The following MFSD11 variants were observed in gnomAD, a reference collection of about 807,000 sequenced individuals.
MFSD11 encodes the protein UNC93-like protein MFSD11.
MFSD11 carries 36 observed loss-of-function variants against 53.5 expected under a neutral mutation model. The observed-to-expected ratio is 0.67, with a 90% CI of 0.52 to 0.89. MFSD11 has a LOEUF of 0.89. MFSD11 is among the 40% of genes least tolerant of loss of function. The pLI is 0.00. For synonymous variants in MFSD11, 186 were observed against 184.9 expected (o/e 1.01, Z -0.05); for missense variants, 530 against 543.9 (o/e 0.97, Z 0.25).
Position 76,778,226 on chromosome 17 carries a change from C to CGG in MFSD11, c.1224_1225insGG (p.Leu409GlyfsTer12), listed in dbSNP as rs1488556644. The stretch of plus-strand genomic sequence containing the variant: ...CCGTGGCATTTTTCTACAGCAACTA[C>CGG]CTTCTCCTTCACTGGCAACTCCTGG... On this transcript the variant is annotated frameshift_variant, in exon 13 of 13. Coordinates refer to ENST00000685175, the MANE Select transcript of MFSD11 (RefSeq NM_001242532.5). LOFTEE classifies it high-confidence loss of function. 1 of 1,614,160 alleles carries CGG rather than the reference C, an allele frequency of 6.2e-7. No homozygotes were observed. The highest frequency in any genetic ancestry group is 1.7e-5 in the Admixed American group (1 of 59,992).
At chr17:76,763,805 A>C (rs1390717021) in intron 8 of MFSD11, among the ~76,000 whole-genome samples, 2 of 151,750 alleles carry the variant, frequency 1.3e-5, no homozygotes, top group African/African-American at 4.8e-5. Flanking sequence ...AATTCCCCCA[A>C]CTTTATCGAG....
intron 7 of MFSD11, 98 bp downstream of exon 7, chr17:76,744,564 ACT>A (rs1036385388): frequency 2.8e-6 from 3 of 1,067,490 alleles, no homozygotes; most frequent in African/African-American, 1.6e-5. Context: ...GATGTCCAGT[ACT>A]CTCTGTAGGT....
chr17:76,747,733 G>T (rs2078681005), intron 7 of MFSD11, among the ~76,000 whole-genome samples: 1 of 152,176 alleles, frequency 6.6e-6, no homozygotes, highest in South Asian at 2.1e-4. Flanking sequence ...CATTCAGCCA[G>T]CACATGTTTG....
rs373123509 is a variant in MFSD11, at chr17:76,742,188, G to A, written c.352G>A (p.Ala118Thr). Residue 118 changes from alanine to threonine, a missense_variant, in exon 5 of 13, where the codon GCA (alanine) becomes ACA (threonine). Transcript: ENST00000685175. ...GGGTTGAATTTTAGTGCTTTGGACA[G>A]CACAAGGAAACTGCCTGACAATCAA... ...IGIAAAVLWT[A>T]QGNCLTINSD... 2.2e-5 allele frequency: 36 copies of A among 1,614,044 alleles called. No individual in the cohort carries two copies. The highest frequency in any genetic ancestry group is 3.1e-5 in the Non-Finnish European group (36 of 1,180,026).
chr17:76,769,109 A>G (rs544511836), intron 9 of MFSD11: 2 of 152,326 alleles, frequency 1.3e-5, no homozygotes, highest in African/African-American at 4.8e-5. Context: ...CTCCGCCTGC[A>G]TGGAGAGTGA....
chr17:76,779,268 A>C lies in MFSD11; in HGVS notation c.*916A>C, dbSNP rs2082085798. The C allele has an allele frequency of 6.7e-6, 1 of 150,364 alleles. No homozygotes were observed. Among genetic ancestry groups the C allele is most frequent in the Non-Finnish European group, 1.5e-5 (1 of 67,644 alleles). The allele number at this position is 150,364 out of a possible 1,614,324, so 9.3% of individuals were successfully genotyped here. A position where few individuals can be genotyped will look rare whatever the true frequency, so the allele number is the denominator to read the frequency against. On this transcript the variant is annotated 3_prime_UTR_variant, in exon 13 of 13. Transcript: ENST00000685175. The stretch of plus-strand genomic sequence containing the variant: ...AAACTCCATCTCAAAAAAAAAAAAA[A>C]AAAAAAGAAAAGAAAATAATAATGA...
chr17:76,782,577 C>T (rs2082194916), downstream of MFSD11, among the ~76,000 whole-genome samples: 1 of 140,082 alleles, frequency 7.1e-6, no homozygotes, highest in Admixed American at 7.9e-5. Flanking sequence ...ATCCCGGGTT[C>T]AAGCAGTTCT....
At chr17:76,756,811 G>C (rs1169189332) in intron 8 of MFSD11, among the ~76,000 whole-genome samples, 6 of 150,342 alleles carry the variant, frequency 4.0e-5, no homozygotes, top group Non-Finnish European at 8.8e-5. Flanking sequence ...AGTGAGCCGA[G>C]ATTGCGCCAC....
intron 11 of MFSD11, among the ~76,000 whole-genome samples, chr17:76,775,771 A>G (rs997179305): frequency 1.3e-5 from 2 of 152,228 alleles, no homozygotes; most frequent in African/African-American, 4.8e-5. Context: ...AGATTTTCAG[A>G]TTAAAAATAC....
downstream of MFSD11, among the ~76,000 whole-genome samples, chr17:76,785,099 G>A (rs1206625221): frequency 6.6e-6 from 1 of 152,204 alleles, no homozygotes; most frequent in African/African-American, 2.4e-5. Flanking sequence ...GGAACAAAAT[G>A]TACGTCTATA....
At chr17:76,751,367 G>A (rs1598567895) in intron 7 of MFSD11, among the ~76,000 whole-genome samples, 1 of 150,994 alleles carries the variant, frequency 6.6e-6, no homozygotes, top group Non-Finnish European at 1.5e-5. Context: ...TCCAGTCTGG[G>A]TGACAGAGCG....
chr17:76,747,395 C>T (rs964668445), intron 7 of MFSD11, among the ~76,000 whole-genome samples: 5 of 151,678 alleles, frequency 3.3e-5, no homozygotes, highest in Middle Eastern at 3.4e-3. Flanking sequence ...AGTGCAATGG[C>T]GTAGTCTTGG....
intron 7 of MFSD11, chr17:76,747,934 A>T (rs928184388): frequency 2.6e-5 from 4 of 152,186 alleles, no homozygotes; most frequent in Non-Finnish European, 4.4e-5. Context: ...TACAAATAGC[A>T]CAGACTTGTG....
chr17:76,777,129 G>C (rs544499367), intron 12 of MFSD11, among the ~76,000 whole-genome samples: 167 of 152,224 alleles, frequency 1.1e-3, no homozygotes, highest in Non-Finnish European at 2.1e-3. Flanking sequence ...TTAGCCGGGC[G>C]TGGTGGCACG....
chr17:76,742,155 A>G, intron 4 of MFSD11, 22 bp from the exon 5 acceptor site: 1 of 1,613,866 alleles, frequency 6.2e-7, no homozygotes, highest in Non-Finnish European at 8.5e-7. Context: ...TTCCCTTGAT[A>G]AACTTTTGGG....
intron 8 of MFSD11, chr17:76,767,154 A>C (rs959714437): frequency 9.5e-5 from 38 of 399,058 alleles, no homozygotes; most frequent in African/African-American, 7.1e-4. Context: ...TAAGAGCTGG[A>C]AAATGTGCTG....
chr17:76,776,314 C>G lies in MFSD11; in HGVS notation c.1050-92C>G. On this transcript the variant is annotated intron_variant, in intron 11 of 12. Coordinates refer to ENST00000685175, the MANE Select transcript of MFSD11 (RefSeq NM_001242532.5). The surrounding 1 kb of genome is among the most constrained non-coding windows in gnomAD (Gnocchi z 4.2). ...TTTGTTTCATAGTGTTTACAACTTG[C>G]AGGTAGAATTCTTTTGTGGGTGGGT... The G allele has an allele frequency of 1.5e-6, 2 of 1,348,978 alleles. No homozygotes were observed. The highest frequency in any genetic ancestry group is 2.0e-6 in the Non-Finnish European group (2 of 980,300). The allele number at this position is 1,348,978 out of a possible 1,614,324, so 83.6% of individuals were successfully genotyped here.
At chr17:76,741,514 C>T (rs2078079582) in intron 3 of MFSD11, among the ~76,000 whole-genome samples, 1 of 152,164 alleles carries the variant, frequency 6.6e-6, no homozygotes, top group Non-Finnish European at 1.5e-5. Flanking sequence ...TGGCTCACAC[C>T]TGTAAATCCC....
At chr17:76,754,699 AG>A (rs1279490071) in intron 8 of MFSD11, among the ~76,000 whole-genome samples, 1 of 150,424 alleles carries the variant, frequency 6.6e-6, no homozygotes, top group Non-Finnish European at 1.5e-5. Flanking sequence ...AAAAAAAAAA[AG>A]AGCAGATTGC....
Sources: gnomAD v4.1 joint callset for allele counts (sites outside exome capture counted in the v4.1 genomes callset) on GRCh38, gnomAD v4.1.1 for gene constraint, Gnocchi (gnomAD v3.1) non-coding constraint, MANE v1.5 for transcripts, NCBI Gene and HGNC (gene_info 2026-07-23, HGNC 2026-07-21) for gene names.